DOCK8: variants seen among roughly 807,000 people sequenced by gnomAD.
DOCK8 encodes dedicator of cytokinesis protein 8.
Under a neutral mutation model 245.6 loss-of-function variants are expected in DOCK8, and 141 were observed. The observed-to-expected ratio is 0.57, with a 90% CI of 0.50 to 0.66. The LOEUF is 0.66. Among genes scored for constraint, DOCK8 ranks in the 30% least tolerant of loss-of-function variants. DOCK8 has a pLI of 0.00. For missense variants in DOCK8, 2,965 were observed against 2,603.4 expected (o/e 1.14, Z -3.02); for synonymous variants, 1,168 against 970.2 (o/e 1.20, Z -3.79).
intron 2 of DOCK8, chr9:284,363 T>C (rs76905982): frequency 0.018 from 2,797 of 152,332 alleles, 34 homozygotes; most frequent in African/African-American, 0.022. Context: ...GTTCCTGTTG[T>C]TTCATTTTCA....
At chr9:251,298 A>C (rs1438858540) in intron 1 of DOCK8, among the ~76,000 whole-genome samples, 1 of 152,230 alleles carries the variant, frequency 6.6e-6, no homozygotes, top group Non-Finnish European at 1.5e-5. Context: ...GATGAAAAAA[A>C]TCAATGTTTA....
In DOCK8 at chr9:247,273, G is replaced by GT. The variant is rs558730750; in HGVS notation, c.54-24353dup. 5.9e-5 allele frequency among the ~76,000 whole-genome samples: 9 copies of GT among 152,150 alleles called. No homozygotes were observed. In the East Asian group the frequency reaches 1.5e-3, roughly 26 times the overall value. ...CTATTCTTTTTTTAATTGCTTTAAAGTCAATTGGGGAATCAGATTATGAAT... is the reference window on the plus strand; with the variant it reads ...CTATTCTTTTTTTAATTGCTTTAAAGTTCAATTGGGGAATCAGATTATGAAT... On this transcript the variant is annotated intron_variant, in intron 1 of 47. Coordinates refer to ENST00000432829, the MANE Select transcript of DOCK8 (RefSeq NM_203447.4).
intron 2 of DOCK8, among the ~76,000 whole-genome samples, chr9:276,088 G>A (rs1047934665): frequency 1.5e-4 from 21 of 143,308 alleles, no homozygotes; most frequent in African/African-American, 1.6e-4. Context: ...ACGGGGTTTC[G>A]CCATGTTGGC....
intron 29 of DOCK8, among the ~76,000 whole-genome samples, chr9:416,657 G>C (rs2056027052): frequency 6.6e-6 from 1 of 152,204 alleles, no homozygotes; most frequent in Non-Finnish European, 1.5e-5. Context: ...AGATGCATCT[G>C]AATTCAGATT....
At chr9:268,915 G>C (rs570282602) in intron 1 of DOCK8, among the ~76,000 whole-genome samples, 10 of 152,094 alleles carry the variant, frequency 6.6e-5, no homozygotes, top group Non-Finnish European at 1.3e-4. Context: ...TTAAAACATT[G>C]GTGACTGTCC....
chr9:437,850 C>T (rs914165362), intron 39 of DOCK8, among the ~76,000 whole-genome samples: 1 of 152,190 alleles, frequency 6.6e-6, no homozygotes, highest in Non-Finnish European at 1.5e-5. Context: ...CTTGTACCTC[C>T]CTGATCCTGA....
chr9:212,761 G>A (rs584922), upstream of DOCK8: 59,519 of 151,988 alleles, frequency 0.39, 11,856 homozygotes, highest in African/African-American at 0.46. Flanking sequence ...AAGATGGAAG[G>A]TTTTATGATT....
intron 1 of DOCK8, among the ~76,000 whole-genome samples, chr9:259,352 A>G (rs755800610): frequency 1.3e-5 from 2 of 152,214 alleles, no homozygotes; most frequent in Non-Finnish European, 2.9e-5. Context: ...AACTGTGAAT[A>G]GTAGTATTTC....
intron 3 of DOCK8, among the ~76,000 whole-genome samples, chr9:288,587 G>C (rs886460090): frequency 6.6e-6 from 1 of 152,184 alleles, no homozygotes; most frequent in Non-Finnish European, 1.5e-5. Context: ...TTGTGTGCCA[G>C]GCAGTCTTCT....
At chr9:403,956 A>ATGTG (rs1564021632) in intron 26 of DOCK8, among the ~76,000 whole-genome samples, 3 of 78,714 alleles carry the variant, frequency 3.8e-5, no homozygotes, top group Non-Finnish European at 6.5e-5. Context: ...GTATATATAT[A>ATGTG]TATGTATATA....
chr9:311,651 A>G (rs2050116960), intron 5 of DOCK8, among the ~76,000 whole-genome samples: 1 of 152,192 alleles, frequency 6.6e-6, no homozygotes, highest in Non-Finnish European at 1.5e-5. Context: ...GCCCCAGGAA[A>G]GAACAAGCCA....
At chr9:301,467 T>A (rs79018205) in intron 4 of DOCK8, among the ~76,000 whole-genome samples, 19,415 of 152,090 alleles carry the variant, frequency 0.13, 1,443 homozygotes, top group Admixed American at 0.17. Context: ...ACCACTTATA[T>A]CAACATGGTA....
intron 4 of DOCK8, among the ~76,000 whole-genome samples, chr9:299,220 T>C (rs1473831241): frequency 6.6e-6 from 1 of 152,174 alleles, no homozygotes; most frequent in African/African-American, 2.4e-5. Flanking sequence ...AGTCACTTCA[T>C]GTACTAGGAA....
intron 43 of DOCK8, among the ~76,000 whole-genome samples, chr9:444,453 T>G (rs917936172): frequency 5.9e-5 from 9 of 151,926 alleles, no homozygotes; most frequent in Non-Finnish European, 1.2e-4. Context: ...ACTATCAGAG[T>G]ATTATGATAA....
intron 1 of DOCK8, among the ~76,000 whole-genome samples, chr9:256,563 C>T (rs945721245): frequency 6.6e-6 from 1 of 152,198 alleles, no homozygotes. Context: ...ATTTCCTTTG[C>T]TCTGTGAATA....
At chr9:317,682 G>C (rs1586686717) in intron 7 of DOCK8, among the ~76,000 whole-genome samples, 1 of 152,200 alleles carries the variant, frequency 6.6e-6, no homozygotes, top group African/African-American at 2.4e-5. Flanking sequence ...ATAGGGAGTG[G>C]TGAGGACTGT....
intron 4 of DOCK8, among the ~76,000 whole-genome samples, chr9:295,302 T>A (rs1015899054): frequency 7.9e-5 from 12 of 152,168 alleles, no homozygotes; most frequent in African/African-American, 2.9e-4. Context: ...GAGGGCTGAC[T>A]ACAAAAGGAC....
chr9:381,960 A>T, intron 21 of DOCK8, among the ~76,000 whole-genome samples: 1 of 100,192 alleles, frequency 1.0e-5, no homozygotes, highest in South Asian at 2.3e-4. Context: ...ACCCTGTCTT[A>T]AAAAAAAAAA....
At chr9:450,729 A>G (rs1247303429) in intron 45 of DOCK8, among the ~76,000 whole-genome samples, 1 of 152,126 alleles carries the variant, frequency 6.6e-6, no homozygotes, top group Admixed American at 6.6e-5. Context: ...AGATCAGGAA[A>G]AAAAAATGAG....
Sources: allele counts gnomAD v4.1 joint callset (sites outside exome capture counted in the v4.1 genomes callset), GRCh38; gene constraint gnomAD v4.1.1; transcripts MANE v1.5; gene names NCBI Gene and HGNC (gene_info 2026-07-23, HGNC 2026-07-21).